CSMD3: variants seen among roughly 807,000 people sequenced by gnomAD.
CSMD3 encodes the protein CUB and Sushi multiple domains 3.
A neutral mutation model predicts 435.2 loss-of-function variants in CSMD3; 177 were observed. The ratio of observed to expected loss-of-function variants is 0.41; its 90% CI spans 0.36 to 0.46. The LOEUF is 0.46. CSMD3 is among the 20% of genes least tolerant of loss of function. CSMD3 has a pLI of 0.34. For missense variants in CSMD3, 4,265 were observed against 4,504.6 expected (o/e 0.95, Z 1.52); for synonymous variants, 1,656 against 1,520.5 (o/e 1.09, Z -2.07).
At chr8:112,615,622 A>C (rs12542828) in intron 22 of CSMD3, among the ~76,000 whole-genome samples, 87,206 of 151,766 alleles carry the variant, frequency 0.57, 25,596 homozygotes, top group African/African-American at 0.68. Context: ...TAACTACTAG[A>C]TGCAATTCTA....
At chr8:112,476,693 A>T (rs1004410262) in intron 31 of CSMD3, among the ~76,000 whole-genome samples, 1 of 152,196 alleles carries the variant, frequency 6.6e-6, no homozygotes, top group African/African-American at 2.4e-5. Flanking sequence ...ATAGAACCCA[A>T]TAATTTAGAG....
chr8:112,343,025 A>T lies in CSMD3; in HGVS notation c.6443-1339T>A, dbSNP rs868376960. Among the ~76,000 whole-genome samples the T allele has an allele frequency of 2.6e-3, 362 of 139,970 alleles. 3 individuals are homozygous for T. Among genetic ancestry groups the T allele is most frequent in the African/African-American group, 8.7e-3 (333 of 38,104 alleles). The allele number at this position is 139,970 out of a possible 152,430, so 91.8% of individuals were successfully genotyped here. A position where few individuals can be genotyped will look rare whatever the true frequency, so the allele number is the denominator to read the frequency against. Reference sequence around the variant, plus strand: ...TTTATATATATATATATTTATATATATATATATAGTTTAAATACATTGGAC... The same window carrying T: ...TTTATATATATATATATTTATATATTTATATATAGTTTAAATACATTGGAC... On this transcript the variant is annotated intron_variant, in intron 41 of 70. Transcript: ENST00000297405.
intron 1 of CSMD3, among the ~76,000 whole-genome samples, chr8:113,360,925 T>G (rs16884528): frequency 0.017 from 2,616 of 152,272 alleles, 146 homozygotes; most frequent in Admixed American, 0.1. Context: ...TGCTAATGGA[T>G]TCAAAGAAAT....
chr8:112,265,705 AT>A (rs1816881101), intron 59 of CSMD3, 115 bp from the exon 60 acceptor site: 2 of 783,750 alleles, frequency 2.6e-6, no homozygotes, highest in Non-Finnish European at 4.5e-6. Context: ...TATCGTGTTC[AT>A]TTTTAATCAT....
chr8:112,802,071 T>C (rs1159879223), intron 12 of CSMD3, among the ~76,000 whole-genome samples: 1 of 151,968 alleles, frequency 6.6e-6, no homozygotes, highest in Non-Finnish European at 1.5e-5. Flanking sequence ...TTTCACCTAG[T>C]TCCCAACTCA....
intron 4 of CSMD3, among the ~76,000 whole-genome samples, chr8:113,149,017 T>C (rs2091743798): frequency 6.6e-6 from 1 of 151,608 alleles, no homozygotes; most frequent in South Asian, 2.1e-4. Flanking sequence ...GTAAACAGTG[T>C]CCGGTTAAAT....
chr8:112,924,526 T>G (rs985966891), intron 9 of CSMD3, among the ~76,000 whole-genome samples: 2 of 152,228 alleles, frequency 1.3e-5, no homozygotes, highest in East Asian at 3.9e-4. Context: ...AAATGACATC[T>G]TGTTTAAGTG....
chr8:112,911,219 G>A (rs879456644), intron 10 of CSMD3, among the ~76,000 whole-genome samples: 1 of 151,654 alleles, frequency 6.6e-6, no homozygotes, highest in Non-Finnish European at 1.5e-5. Flanking sequence ...CAAACCATAT[G>A]ACATCTTCCT....
Position 112,314,629 on chromosome 8 carries a change from A to C in CSMD3, c.7361-12T>G. 1 of 1,590,144 alleles carries C rather than the reference A, an allele frequency of 6.3e-7. No individual in the cohort carries two copies. The highest frequency in any genetic ancestry group is 8.6e-7 in the Non-Finnish European group (1 of 1,158,622). On this transcript the variant is annotated splice_polypyrimidine_tract_variant and intron_variant, in intron 47 of 70. Transcript: ENST00000297405. Reference sequence around the variant, plus strand: ...GGCAGGACAGAGCACTGTCAAAGAAAAATGTCATTAAATAATGCCAGTCTT... The same window carrying C: ...GGCAGGACAGAGCACTGTCAAAGAACAATGTCATTAAATAATGCCAGTCTT...
At chr8:112,874,375 A>T (rs1361993362) in intron 10 of CSMD3, among the ~76,000 whole-genome samples, 1 of 151,986 alleles carries the variant, frequency 6.6e-6, no homozygotes, top group Non-Finnish European at 1.5e-5. Flanking sequence ...AGAAGAATGT[A>T]TTTTCTGTTT....
intron 1 of CSMD3, among the ~76,000 whole-genome samples, chr8:113,361,781 A>G (rs934921760): frequency 6.6e-6 from 1 of 152,190 alleles, no homozygotes; most frequent in Non-Finnish European, 1.5e-5. Flanking sequence ...TGTAAGCTAT[A>G]AAGCACAATT....
chr8:112,778,438 A>T (rs1319132398), intron 13 of CSMD3, among the ~76,000 whole-genome samples: 1 of 151,940 alleles, frequency 6.6e-6, no homozygotes, highest in East Asian at 1.9e-4. Flanking sequence ...TTTCCAGAAC[A>T]TCATATAGTT....
chr8:112,370,745 A>C (rs547707841), intron 38 of CSMD3, among the ~76,000 whole-genome samples: 1 of 152,178 alleles, frequency 6.6e-6, no homozygotes, highest in South Asian at 2.1e-4. Flanking sequence ...TTTCTATGAC[A>C]CATCATTTTC....
intron 6 of CSMD3, among the ~76,000 whole-genome samples, chr8:112,980,292 C>G (rs2085002453): frequency 6.6e-6 from 1 of 150,820 alleles, no homozygotes; most frequent in Non-Finnish European, 1.5e-5. Flanking sequence ...TATATAAGAA[C>G]ATGTAAAAAT....
intron 26 of CSMD3, among the ~76,000 whole-genome samples, chr8:112,551,486 T>C (rs1361038591): frequency 6.6e-6 from 1 of 152,126 alleles, no homozygotes; most frequent in East Asian, 1.9e-4. Flanking sequence ...TATATTGACA[T>C]GCTCAACTCT....
rs1433088403 is a variant in CSMD3, at chr8:112,329,712, A to G, written c.7165+5617T>C. ...GGAGGCAACAGAAAGTAAGATATTT[A>G]AGAAAATAAATACCATACCTTATCA... On this transcript the variant is annotated intron_variant, in intron 45 of 70. Coordinates refer to ENST00000297405, the MANE Select transcript of CSMD3 (RefSeq NM_198123.2). Among the ~76,000 whole-genome samples, 4 of 152,306 alleles carry G rather than the reference A, an allele frequency of 2.6e-5. No individual in the cohort carries two copies. In the East Asian group the frequency reaches 7.7e-4, roughly 29 times the overall value.
chr8:113,048,243 C>A (rs767920013), intron 5 of CSMD3, among the ~76,000 whole-genome samples: 15 of 152,088 alleles, frequency 9.9e-5, no homozygotes, highest in African/African-American at 3.1e-4. Flanking sequence ...CAGGCGCCCA[C>A]TAACACGCCC....
At chr8:113,265,207 A>AT (rs1188717327) in intron 3 of CSMD3, among the ~76,000 whole-genome samples, 1 of 151,562 alleles carries the variant, frequency 6.6e-6, no homozygotes, top group Non-Finnish European at 1.5e-5. Context: ...AAAATCTATG[A>AT]TTTTTTGAAG....
chr8:113,379,798 G>C (rs1342530044), intron 1 of CSMD3, among the ~76,000 whole-genome samples: 1 of 152,116 alleles, frequency 6.6e-6, no homozygotes, highest in Non-Finnish European at 1.5e-5. Flanking sequence ...CTATATTTCA[G>C]TAGCCTTATA....
Sources: gnomAD v4.1 joint callset for allele counts (sites outside exome capture counted in the v4.1 genomes callset) on GRCh38, gnomAD v4.1.1 for gene constraint, MANE v1.5 for transcripts, NCBI Gene and HGNC (gene_info 2026-07-23, HGNC 2026-07-21) for gene names.